PIK3CB: variants seen among roughly 807,000 people sequenced by gnomAD.
PIK3CB encodes the protein phosphatidylinositol-4,5-bisphosphate 3-kinase catalytic subunit beta.
In PIK3CB, 39 loss-of-function variants were observed where a neutral mutation model predicts 136.8. The ratio of observed to expected loss-of-function variants is 0.29; its 90% CI spans 0.22 to 0.37. The LOEUF (loss-of-function observed/expected upper bound fraction) is 0.37. PIK3CB is among the 10% of genes least tolerant of loss of function. PIK3CB has a pLI of 1.00. For synonymous variants in PIK3CB, 428 were observed against 436.6 expected (o/e 0.98, Z 0.25); for missense variants, 868 against 1,275.4 (o/e 0.68, Z 4.87).
intron 1 of PIK3CB, among the ~76,000 whole-genome samples, chr3:138,797,708 C>T (rs1305870880): frequency 6.6e-6 from 1 of 152,116 alleles, no homozygotes; most frequent in Non-Finnish European, 1.5e-5. Context: ...TGTGTGGGTA[C>T]AGTTATGACT....
chr3:138,661,166 T>C (rs749148136), intron 21 of PIK3CB, among the ~76,000 whole-genome samples: 11 of 152,232 alleles, frequency 7.2e-5, no homozygotes, highest in Non-Finnish European at 1.5e-4. Context: ...GACCCTTTCT[T>C]GTAGTCTCTG....
intron 3 of PIK3CB, 64 bp downstream of exon 3, chr3:138,759,109 G>T: frequency 1.0e-6 from 1 of 969,972 alleles, no homozygotes; most frequent in Non-Finnish European, 1.5e-6. Flanking sequence ...TTCTATTATA[G>T]AATGATATTT....
chr3:138,713,540 G>A (rs2044547608), intron 9 of PIK3CB, among the ~76,000 whole-genome samples: 1 of 151,874 alleles, frequency 6.6e-6, no homozygotes, highest in Non-Finnish European at 1.5e-5. Context: ...GTGTGGTAAC[G>A]GGTGCCTGTA....
intron 17 of PIK3CB, 151 bp from the exon 18 acceptor site, chr3:138,683,938 A>C (rs1421608212): frequency 1.7e-6 from 1 of 583,340 alleles, no homozygotes; most frequent in African/African-American, 1.9e-5. Context: ...ACTTGGTAGA[A>C]AAGCAACCAT....
chr3:138,820,553 G>A (rs982935989), intron 1 of PIK3CB, among the ~76,000 whole-genome samples: 1 of 152,110 alleles, frequency 6.6e-6, no homozygotes, highest in Non-Finnish European at 1.5e-5. Context: ...GAGTGCAGTG[G>A]TGCAATTTCA....
intron 4 of PIK3CB, among the ~76,000 whole-genome samples, chr3:138,752,247 T>A (rs1480120856): frequency 6.6e-6 from 1 of 152,170 alleles, no homozygotes; most frequent in East Asian, 1.9e-4. Context: ...AGCCACATCA[T>A]CTTTCAGGAA....
intron 2 of PIK3CB, among the ~76,000 whole-genome samples, chr3:138,765,679 C>A (rs962646208): frequency 2.1e-3 from 246 of 118,958 alleles, no homozygotes; most frequent in African/African-American, 2.4e-3. Context: ...CCCCTCTCTT[C>A]AAAAAAAAAA....
At chr3:138,723,767 GTGTTGAATAAGATA>G (rs2044781943) in intron 8 of PIK3CB, among the ~76,000 whole-genome samples, 1 of 152,104 alleles carries the variant, frequency 6.6e-6, no homozygotes, top group Admixed American at 6.5e-5. Flanking sequence ...AAAATGTTCT[GTGTTGAATAAGATA>G]TGAATTTTTT....
chr3:138,733,768 C>T (rs2045041689), intron 7 of PIK3CB, among the ~76,000 whole-genome samples: 1 of 152,026 alleles, frequency 6.6e-6, no homozygotes, highest in African/African-American at 2.4e-5. Flanking sequence ...GTCCCAGTTA[C>T]TTGGGAGGCT....
intron 11 of PIK3CB, among the ~76,000 whole-genome samples, chr3:138,705,203 T>TAAA (rs2044355047): frequency 1.1e-5 from 1 of 88,608 alleles, no homozygotes; most frequent in Non-Finnish European, 2.5e-5. Flanking sequence ...AAAAAAAAAC[T>TAAA]TATATTTGCA....
intron 5 of PIK3CB, among the ~76,000 whole-genome samples, chr3:138,741,058 T>C (rs1377199030): frequency 6.6e-6 from 1 of 152,222 alleles, no homozygotes; most frequent in Non-Finnish European, 1.5e-5. Context: ...TTAATGATAC[T>C]CAAATCTTGA....
intron 8 of PIK3CB, among the ~76,000 whole-genome samples, chr3:138,717,783 C>T (rs188596755): frequency 7.8e-4 from 119 of 152,250 alleles, no homozygotes; most frequent in African/African-American, 2.4e-3. Context: ...TGAGAACATG[C>T]GGCATTTGGT....
chr3:138,781,212 A>G (rs1356541687), intron 2 of PIK3CB, among the ~76,000 whole-genome samples: 1 of 151,708 alleles, frequency 6.6e-6, no homozygotes, highest in Non-Finnish European at 1.5e-5. Flanking sequence ...GAATTGCTCG[A>G]GCCCAGTAGG....
intron 2 of PIK3CB, among the ~76,000 whole-genome samples, chr3:138,762,480 T>G (rs1306612274): frequency 2.0e-5 from 3 of 152,112 alleles, no homozygotes; most frequent in African/African-American, 7.2e-5. Context: ...ACCAATAAAC[T>G]TCCATAAACA....
intron 2 of PIK3CB, among the ~76,000 whole-genome samples, chr3:138,783,343 G>A (rs1043104555): frequency 6.6e-6 from 1 of 151,462 alleles, no homozygotes; most frequent in African/African-American, 2.4e-5. Context: ...ATGCAGTAGT[G>A]TAATCATAGT....
chr3:138,737,622 A>G, intron 6 of PIK3CB, 85 bp downstream of exon 6: 3 of 405,236 alleles, frequency 7.4e-6, no homozygotes, highest in Middle Eastern at 8.0e-4. Flanking sequence ...GTGTGGGAAC[A>G]CATTTTTAAA....
intron 3 of PIK3CB, among the ~76,000 whole-genome samples, chr3:138,756,232 T>C (rs1261742834): frequency 2.6e-5 from 4 of 152,176 alleles, no homozygotes; most frequent in African/African-American, 9.6e-5. Context: ...ATTCAAGTTT[T>C]CTTACAACAG....
At position 138,737,895 on chromosome 3, in the gene PIK3CB, G is replaced by GGA; in HGVS notation, c.622-11_622-10dup. 6.4e-7 allele frequency: 1 copy of GGA among 1,551,996 alleles called. No homozygotes were observed. Among genetic ancestry groups the GGA allele is most frequent in the Non-Finnish European group, 8.8e-7 (1 of 1,142,842 alleles). On this transcript the variant is annotated splice_polypyrimidine_tract_variant and intron_variant, in intron 5 of 23. Coordinates refer to ENST00000674063, the MANE Select transcript of PIK3CB (RefSeq NM_006219.3). ...TGAAAGCTAAACACGTCCTGAAGGG[G>GGA]GAGGGAGATGGGGAAAAAAGCAGTA...
chr3:138,662,620 T>C (rs1331006740), intron 21 of PIK3CB, among the ~76,000 whole-genome samples: 1 of 150,380 alleles, frequency 6.6e-6, no homozygotes, highest in African/African-American at 2.5e-5. Flanking sequence ...CCTTTGGGTA[T>C]ATACCCAGTA....
Sources: gnomAD v4.1 joint callset for allele counts (sites outside exome capture counted in the v4.1 genomes callset) on GRCh38, gnomAD v4.1.1 for gene constraint, MANE v1.5 for transcripts, NCBI Gene and HGNC (gene_info 2026-07-23, HGNC 2026-07-21) for gene names.